RNASEH2A: variants seen among roughly 807,000 people sequenced by gnomAD.
RNASEH2A encodes the protein ribonuclease H2 subunit A.
RNASEH2A carries 30 observed loss-of-function variants against 32.7 expected under a neutral mutation model. That is an observed-to-expected ratio of 0.92 (90% CI 0.69 to 1.25). The LOEUF is 1.25. Among genes scored for constraint, RNASEH2A ranks in the 50% most tolerant of loss-of-function variants. RNASEH2A has a pLI of 0.00. For synonymous variants in RNASEH2A, 147 were observed against 165.4 expected, an observed-to-expected ratio of 0.89 and a Z score of 0.86; for missense variants, 409 against 398.1, an observed-to-expected ratio of 1.03 and a Z score of -0.23.
intron 1 of RNASEH2A, 74 bp from the exon 2 acceptor site, chr19:12,806,934 G>C: frequency 6.2e-7 from 1 of 1,605,216 alleles, no homozygotes; most frequent in Non-Finnish European, 8.5e-7. Context: ...TGATAGAACA[G>C]GGATGAATGG....
chr19:12,806,619 G>T lies in RNASEH2A; in HGVS notation c.-55G>T. ...TCGAGGCCCGCGGAAAACGCGCGCC[G>T]AGACCCGCTCCTGCAGTATTAGTTC... On this transcript the variant is annotated 5_prime_UTR_variant, in exon 1 of 8. Coordinates refer to ENST00000221486, the MANE Select transcript of RNASEH2A (RefSeq NM_006397.3). 1 of 1,554,602 alleles carries T rather than the reference G, an allele frequency of 6.4e-7. No individual in the cohort carries two copies. Among genetic ancestry groups the T allele is most frequent in the Non-Finnish European group, 8.7e-7 (1 of 1,148,812 alleles).
chr19:12,807,528 C>T (rs771982487), intron 4 of RNASEH2A, 22 bp downstream of exon 4: 46 of 1,594,718 alleles, frequency 2.9e-5, no homozygotes, highest in Non-Finnish European at 3.8e-5. Flanking sequence ...GTAAGTTGTC[C>T]CCATTTGGTC....
At position 12,810,333 on chromosome 19, in the gene RNASEH2A, C is replaced by A. The variant is rs1448707577; in HGVS notation, c.566C>A (p.Ala189Asp). 6.2e-7 allele frequency: 1 copy of A among 1,614,104 alleles called. No individual in the cohort carries two copies. Among genetic ancestry groups the A allele is most frequent in the Non-Finnish European group, 8.5e-7 (1 of 1,180,018 alleles). The part of the protein sequence containing the change: ...SICAKVARDQ[A>D]VKKWQFVEKL... ...TGCCCACAGGTGGCCCGGGACCAGG[C>A]CGTGAAGAAATGGCAGTTCGTGGAG... Residue 189 changes from alanine to aspartate, a missense_variant, in exon 6 of 8, where the codon GCC becomes GAC. Coordinates refer to ENST00000221486, the MANE Select transcript of RNASEH2A (RefSeq NM_006397.3).
chr19:12,811,734 G>A (rs112958731), intron 6 of RNASEH2A, among the ~76,000 whole-genome samples: 22 of 151,840 alleles, frequency 1.4e-4, no homozygotes, highest in African/African-American at 4.6e-4. Context: ...CCTGACCAAC[G>A]TGGTGAAACC....
Position 12,813,444 on chromosome 19 carries a change from T to G in RNASEH2A, c.878T>G (p.Leu293Arg), listed in dbSNP as rs1303399988. ...SSHRYFLERG[L>R]ESATSL ...CACCGATATTTCCTGGAACGCGGCC[T>G]GGAGTCAGCAACCAGCCTCTAGCAG... Residue 293 changes from leucine to arginine, a missense_variant, in exon 8 of 8, where the codon CTG becomes CGG. Coordinates refer to ENST00000221486, the MANE Select transcript of RNASEH2A (RefSeq NM_006397.3). 2 of 1,613,772 alleles carry G rather than the reference T, an allele frequency of 1.2e-6. No homozygotes were observed. Among genetic ancestry groups the G allele is most frequent in the Non-Finnish European group, 1.7e-6 (2 of 1,180,020 alleles).
intron 6 of RNASEH2A, 121 bp downstream of exon 6, chr19:12,810,525 T>G: frequency 1.1e-6 from 1 of 943,366 alleles, no homozygotes; most frequent in Non-Finnish European, 1.6e-6. Flanking sequence ...TTTGTTTTTA[T>G]TTGTTATTTT....
intron 4 of RNASEH2A, 74 bp downstream of exon 4, chr19:12,807,580 C>T (rs1969013273): frequency 5.7e-6 from 7 of 1,226,398 alleles, no homozygotes; most frequent in Non-Finnish European, 7.2e-6. Flanking sequence ...TTCGAGACTG[C>T]AGTGAGCCAT....
rs1408567685 is a variant in RNASEH2A, at chr19:12,813,371, A to C, written c.805A>C (p.Thr269Pro). The part of the protein sequence containing the change: ...SENQEGLRKI[T>P]SYFLNEGSQA... ...GAATCAGGAGGGACTCAGGAAGATC[A>C]CATCCTACTTCCTCAATGAAGGGTC... The change falls in exon 8 of 8, where the codon ACA (threonine) becomes CCA (proline). Residue 269 changes from threonine (T) to proline (P), a missense_variant. By Grantham distance (38) the Thr-to-Pro change is conservative. Transcript: ENST00000221486. The C allele has an allele frequency of 6.2e-7, 1 of 1,614,150 alleles. No homozygotes were observed.
In RNASEH2A at chr19:12,813,330, A is replaced by T. The variant is rs1305543638; in HGVS notation, c.764A>T (p.Glu255Val). 1 of 1,614,150 alleles carries T rather than the reference A, an allele frequency of 6.2e-7. No homozygotes were observed. Among genetic ancestry groups the T allele is most frequent in the Admixed American group, 1.7e-5 (1 of 59,998 alleles). ...CTGTCATCACCTCTCTCCCACAGGG[A>T]GGACTCAGCATCCGAGAATCAGGAG... is the stretch of plus-strand genomic sequence containing the variant. ...LEKEAEDVIW[E>V]DSASENQEGL... is the part of the protein sequence containing the mutation. The change falls in exon 8 of 8, where the codon GAG (glutamate) becomes GTG (valine). Residue 255 changes from glutamate to valine, a missense_variant and splice_region_variant. Glu to Val is a moderately radical substitution (Grantham distance 121). Transcript: ENST00000221486.
Position 12,809,223 on chromosome 19 carries a change from T to TA in RNASEH2A, c.412-841dup, listed in dbSNP as rs752165619. On this transcript the variant is annotated intron_variant, in intron 4 of 7. Transcript: ENST00000221486. ...CCCCATCTCTACTAAAAATAAAAAA[T>TA]AAAAAAATAAAACATGAAAGATGGT... 2.6e-5 allele frequency among the ~76,000 whole-genome samples: 4 copies of TA among 152,002 alleles called. No individual in the cohort carries two copies. The East Asian group carries it at 7.7e-4, about 29-fold the overall frequency.
At chr19:12,813,041 A>G in intron 6 of RNASEH2A, 42 bp from the exon 7 acceptor site, 2 of 1,611,876 alleles carry the variant, frequency 1.2e-6, no homozygotes, top group Non-Finnish European at 8.5e-7. Flanking sequence ...CTTGAATGTT[A>G]TGGTGCAACT....
chr19:12,813,222 G>A lies in RNASEH2A; in HGVS notation c.761+16G>A, dbSNP rs558675752. ...ATGTTATATGGTGGGTGTCATGGAT[G>A]TCCTGGGGGTGCTATAGGGAAGGAA... is the stretch of plus-strand genomic sequence containing the variant. On this transcript the variant is annotated intron_variant, in intron 7 of 7. Coordinates refer to ENST00000221486, the MANE Select transcript of RNASEH2A (RefSeq NM_006397.3). 15 of 1,614,006 alleles carry A rather than the reference G, an allele frequency of 9.3e-6. 1 individual carries two copies. In the Admixed American group the frequency reaches 1.8e-4, roughly 20 times the overall value.
In RNASEH2A at chr19:12,812,464, G is replaced by A. The variant is rs150367690; in HGVS notation, c.638-619G>A. Among the ~76,000 whole-genome samples, 591 of 152,058 alleles carry A rather than the reference G, an allele frequency of 3.9e-3. 4 individuals carry two copies. The highest frequency in any genetic ancestry group is 0.014 in the African/African-American group (560 of 41,466). On this transcript the variant is annotated intron_variant, in intron 6 of 7. Transcript: ENST00000221486. ...GGAGAATCGCTTGAACCTGGGAGGC[G>A]GAGGTTGCAGTGAGCCGAGATCGCA...
intron 6 of RNASEH2A, among the ~76,000 whole-genome samples, chr19:12,812,193 C>G (rs958525445): frequency 2.0e-5 from 3 of 150,134 alleles, no homozygotes; most frequent in Non-Finnish European, 4.4e-5. Flanking sequence ...GTGATAATGT[C>G]ACTGCACTCC....
In RNASEH2A at chr19:12,810,053, T is replaced by C; in HGVS notation, c.412-18T>C. On this transcript the variant is annotated intron_variant, in intron 4 of 7. Coordinates refer to ENST00000221486, the MANE Select transcript of RNASEH2A (RefSeq NM_006397.3). ...TACAGTTGTTTGTTCAATTAATATGTGTCTGTTGCTGTGGCAGGTATTCGT... is the reference window on the plus strand; with the variant it reads ...TACAGTTGTTTGTTCAATTAATATGCGTCTGTTGCTGTGGCAGGTATTCGT... The C allele has an allele frequency of 1.9e-6, 3 of 1,614,138 alleles. No individual in the cohort carries two copies. The highest frequency in any genetic ancestry group is 2.5e-6 in the Non-Finnish European group (3 of 1,180,012).
At chr19:12,807,634 C>T (rs1599533411) in intron 4 of RNASEH2A, 128 bp downstream of exon 4, 1 of 871,488 alleles carries the variant, frequency 1.1e-6, no homozygotes, top group African/African-American at 1.7e-5. Context: ...AGGAAGCCCC[C>T]CAACTCAAAA....
At position 12,813,581 on chromosome 19, in the gene RNASEH2A, G is replaced by A. The variant is rs1969108635; in HGVS notation, c.*115G>A. ...CAGAAGCAAGGTGGGAGTGTGCTCT[G>A]CAGCCGGGTCCAGCTACTTCCTTTT... On this transcript the variant is annotated 3_prime_UTR_variant, in exon 8 of 8. Transcript: ENST00000221486. 3 of 1,343,928 alleles carry A rather than the reference G, an allele frequency of 2.2e-6. No individual in the cohort carries two copies. The highest frequency in any genetic ancestry group is 2.9e-5 in the African/African-American group (2 of 69,738). The allele number at this position is 1,343,928 out of a possible 1,614,324, so 83.3% of individuals were successfully genotyped here.
Position 12,813,638 on chromosome 19 carries a change from T to G in RNASEH2A, c.*172T>G. ...TTAAATAGAATGGGTGTTGGTTGAT[T>G]AATTTTATTTGGTTTGATTTTTTTC... On this transcript the variant is annotated 3_prime_UTR_variant, in exon 8 of 8. Transcript: ENST00000221486. 1 of 516,096 alleles carries G rather than the reference T, an allele frequency of 1.9e-6. No individual in the cohort carries two copies. Among genetic ancestry groups the G allele is most frequent in the South Asian group, 3.6e-5 (1 of 27,670 alleles). 32.0% of individuals were successfully genotyped at this position (516,096 alleles called of 1,614,324 possible). A position where few individuals can be genotyped will look rare whatever the true frequency, so the allele number is the denominator to read the frequency against.
At chr19:12,807,370 A>C in intron 3 of RNASEH2A, 41 bp downstream of exon 3, 1 of 1,614,192 alleles carries the variant, frequency 6.2e-7, no homozygotes, top group Non-Finnish European at 8.5e-7. Context: ...TGGGCTGACC[A>C]AGCTTTGTTC....
Sources: allele counts gnomAD v4.1 joint callset (sites outside exome capture counted in the v4.1 genomes callset), GRCh38; gene constraint gnomAD v4.1.1; transcripts MANE v1.5; gene names NCBI Gene and HGNC (gene_info 2026-07-23, HGNC 2026-07-21).